TPH2: variants seen among roughly 807,000 people sequenced by gnomAD.
TPH2 encodes the protein tryptophan 5-hydroxylase 2.
A neutral mutation model predicts 59.1 loss-of-function variants in TPH2; 27 were observed. That is an observed-to-expected ratio of 0.46 (90% CI 0.34 to 0.63). The LOEUF (loss-of-function observed/expected upper bound fraction) is 0.63. Ranked by LOEUF, TPH2 falls within the 30% of genes least tolerant of loss-of-function variation. TPH2 has a pLI of 0.01. For synonymous variants in TPH2, 220 were observed against 210.5 expected (o/e 1.05, Z -0.39); for missense variants, 523 against 588.3 (o/e 0.89, Z 1.15).
intron 6 of TPH2, among the ~76,000 whole-genome samples, chr12:71,974,995 G>A (rs538577382): frequency 2.6e-5 from 4 of 152,182 alleles, no homozygotes; most frequent in African/African-American, 9.6e-5. Context: ...GGCTTTTCGG[G>A]CCAAGAGGCA....
rs145174569 is a variant in TPH2, at chr12:71,985,422, G to A, written c.941+6335G>A. On this transcript the variant is annotated intron_variant, in intron 7 of 10. Coordinates refer to ENST00000333850, the MANE Select transcript of TPH2 (RefSeq NM_173353.4). ...ACTTTCTTTTTTTATTTTTTGAGAC[G>A]GAGTCCCACTCTGTTGCCCGGGCTG... Among the ~76,000 whole-genome samples, 345 of 152,048 alleles carry A rather than the reference G, an allele frequency of 2.3e-3. 4 individuals carry two copies. Among genetic ancestry groups the A allele is most frequent in the African/African-American group, 7.7e-3 (321 of 41,474 alleles).
chr12:71,957,811 G>T (rs564865064), intron 5 of TPH2, among the ~76,000 whole-genome samples: 22 of 152,290 alleles, frequency 1.4e-4, no homozygotes, highest in Non-Finnish European at 2.5e-4. Context: ...CCCCTCAAAG[G>T]CCTTCCCAGG....
At chr12:71,975,341 T>C (rs1872086614) in intron 6 of TPH2, among the ~76,000 whole-genome samples, 1 of 152,082 alleles carries the variant, frequency 6.6e-6, no homozygotes, top group South Asian at 2.1e-4. Context: ...TGGGACTCTG[T>C]CTCAAAACAA....
At chr12:71,967,416 T>G (rs1303810447) in intron 5 of TPH2, among the ~76,000 whole-genome samples, 1 of 152,224 alleles carries the variant, frequency 6.6e-6, no homozygotes, top group Non-Finnish European at 1.5e-5. Flanking sequence ...GACATCCCCA[T>G]GGTGACCATC....
At chr12:71,998,572 C>T (rs1872748767) in intron 8 of TPH2, among the ~76,000 whole-genome samples, 3 of 151,834 alleles carry the variant, frequency 2.0e-5, no homozygotes, top group African/African-American at 7.3e-5. Flanking sequence ...TGTTGGATAC[C>T]ATGCATGTTA....
chr12:71,961,532 C>G (rs748585561), intron 5 of TPH2: 5 of 1,351,310 alleles, frequency 3.7e-6, no homozygotes, highest in Non-Finnish European at 4.9e-6. Context: ...ACTCTTCATT[C>G]TTTGTGAATC....
intron 5 of TPH2, among the ~76,000 whole-genome samples, chr12:71,966,247 A>G (rs1334773105): frequency 6.7e-6 from 1 of 148,624 alleles, no homozygotes; most frequent in Admixed American, 6.7e-5. Context: ...GCCCTGTCTA[A>G]ATCTTTTTTT....
intron 8 of TPH2, among the ~76,000 whole-genome samples, chr12:72,015,880 C>CA (rs1873235846): frequency 1.3e-5 from 2 of 152,042 alleles, no homozygotes; most frequent in South Asian, 4.1e-4. Flanking sequence ...GGGGCAGTGT[C>CA]AGTGGCTGGG....
rs555174692 is a variant in TPH2, at chr12:71,981,153, G to A, written c.941+2066G>A. On this transcript the variant is annotated intron_variant, in intron 7 of 10. Coordinates refer to ENST00000333850, the MANE Select transcript of TPH2 (RefSeq NM_173353.4). ...TTTTTGTACAAGGCTGGACGGGGAGGGAAGGGGAGGCTTTGCAAGTCAGGG... is the reference window on the plus strand; with the variant it reads ...TTTTTGTACAAGGCTGGACGGGGAGAGAAGGGGAGGCTTTGCAAGTCAGGG... Among the ~76,000 whole-genome samples, 7 of 152,294 alleles carry A rather than the reference G, an allele frequency of 4.6e-5. No individual in the cohort carries two copies. In the East Asian group the frequency reaches 1.4e-3, roughly 29 times the overall value.
At chr12:71,996,839 T>C (rs1325672419) in intron 8 of TPH2, among the ~76,000 whole-genome samples, 3 of 152,230 alleles carry the variant, frequency 2.0e-5, no homozygotes, top group Non-Finnish European at 4.4e-5. Flanking sequence ...TTTCAGTCCA[T>C]CAAATTATGA....
chr12:71,970,016 G>A (rs111999417), intron 5 of TPH2, among the ~76,000 whole-genome samples: 6 of 152,264 alleles, frequency 3.9e-5, no homozygotes, highest in Admixed American at 1.3e-4. Flanking sequence ...AATATCAGCT[G>A]TTACTGTATG....
intron 6 of TPH2, 32 bp downstream of exon 6, chr12:71,972,747 T>C (rs1592393241): frequency 5.0e-6 from 8 of 1,595,380 alleles, no homozygotes; most frequent in Non-Finnish European, 6.9e-6. Context: ...CTCTTATTAG[T>C]CAATATCCTC....
intron 5 of TPH2, chr12:71,961,540 A>G (rs760552553): frequency 7.4e-7 from 1 of 1,351,580 alleles, no homozygotes; most frequent in South Asian, 1.1e-5. Flanking sequence ...TTCTTTGTGA[A>G]TCTTCATTCT....
At chr12:71,966,053 T>G (rs1871810003) in intron 5 of TPH2, among the ~76,000 whole-genome samples, 1 of 152,186 alleles carries the variant, frequency 6.6e-6, no homozygotes, top group African/African-American at 2.4e-5. Flanking sequence ...AATGTCAACC[T>G]CAGTCTTCTA....
At chr12:71,970,063 A>AT (rs1419755202) in intron 5 of TPH2, among the ~76,000 whole-genome samples, 2 of 152,164 alleles carry the variant, frequency 1.3e-5, no homozygotes, top group Non-Finnish European at 2.9e-5. Context: ...AAAATTTCTG[A>AT]TTTTTTCTGT....
At chr12:72,025,309 G>T (rs1873537050) in intron 9 of TPH2, among the ~76,000 whole-genome samples, 1 of 151,980 alleles carries the variant, frequency 6.6e-6, no homozygotes, top group Non-Finnish European at 1.5e-5. Context: ...TTTTAGATTG[G>T]GTTGCTGGAG....
chr12:71,943,107 T>C (rs1286405201), intron 2 of TPH2, among the ~76,000 whole-genome samples: 1 of 152,238 alleles, frequency 6.6e-6, no homozygotes. Context: ...CTATTGGGCC[T>C]TGAACTTAAT....
At chr12:71,969,262 G>T (rs1592391667) in intron 5 of TPH2, among the ~76,000 whole-genome samples, 2 of 152,114 alleles carry the variant, frequency 1.3e-5, no homozygotes, top group Non-Finnish European at 2.9e-5. Flanking sequence ...CAGCCTGGGC[G>T]ACAGGGCAAG....
rs532964690 is a variant in TPH2, at chr12:71,997,094, A to G, written c.1068+2529A>G. Among the ~76,000 whole-genome samples the G allele has an allele frequency of 1.5e-3, 232 of 152,318 alleles. 1 individual carries two copies. Among genetic ancestry groups the G allele is most frequent in the African/African-American group, 5.5e-3 (228 of 41,570 alleles). On this transcript the variant is annotated intron_variant, in intron 8 of 10. Transcript: ENST00000333850. ...TGTTCCTTTATGGGGGCTCTGGGGT[A>G]TGAGCCGTTTTGTTGCTTTTTCCAC...
Sources: gnomAD v4.1 joint callset for allele counts (sites outside exome capture counted in the v4.1 genomes callset) on GRCh38, gnomAD v4.1.1 for gene constraint, MANE v1.5 for transcripts, NCBI Gene and HGNC (gene_info 2026-07-23, HGNC 2026-07-21) for gene names.